Variants in TASP1 observed in about 807,000 individuals in gnomAD.
TASP1 encodes the protein threonine aspartase 1.
In TASP1, 16 loss-of-function variants were observed where a neutral mutation model predicts 56.6. The observed-to-expected ratio is 0.28, with a 90% CI of 0.19 to 0.43. The LOEUF is 0.43. Among genes scored for constraint, TASP1 ranks in the 20% least tolerant of loss-of-function variants. TASP1 has a pLI of 1.00. For synonymous variants in TASP1, 179 were observed against 184.2 expected (o/e 0.97, Z 0.23); for missense variants, 393 against 511.6 (o/e 0.77, Z 2.24).
intron 10 of TASP1, among the ~76,000 whole-genome samples, chr20:13,494,674 T>C (rs2043656188): frequency 6.6e-6 from 1 of 151,962 alleles, no homozygotes; most frequent in Admixed American, 6.6e-5. Flanking sequence ...TCCATAACAG[T>C]CACTGCAGAA....
chr20:13,544,774 T>A (rs1308192034), intron 8 of TASP1, among the ~76,000 whole-genome samples: 3 of 152,204 alleles, frequency 2.0e-5, no homozygotes, highest in Admixed American at 1.3e-4. Context: ...CACATATTTA[T>A]CTTCTCTGGA....
chr20:13,301,351 G>A, the TASP1 span, among the ~76,000 whole-genome samples: 1 of 152,080 alleles, frequency 6.6e-6, no homozygotes, highest in Non-Finnish European at 1.5e-5. Context: ...ACCACGCCTG[G>A]CTAACTCTTG....
chr20:13,133,082 T>C, the TASP1 span: 3 of 152,356 alleles, frequency 2.0e-5, no homozygotes, highest in African/African-American at 7.2e-5. Flanking sequence ...AAGACTGTCT[T>C]CGTTGTAGAG....
the TASP1 span, among the ~76,000 whole-genome samples, chr20:13,198,475 C>A: frequency 3.9e-5 from 6 of 152,106 alleles, no homozygotes; most frequent in Admixed American, 3.9e-4. Context: ...AAAGTCCCCA[C>A]CTCCTAATAC....
chr20:13,334,841 A>G, the TASP1 span, among the ~76,000 whole-genome samples: 1 of 152,236 alleles, frequency 6.6e-6, no homozygotes, highest in South Asian at 2.1e-4. Flanking sequence ...AAATTCATAG[A>G]CAAGGTCAAA....
At chr20:13,246,095 C>T in the TASP1 span, among the ~76,000 whole-genome samples, 2 of 151,920 alleles carry the variant, frequency 1.3e-5, no homozygotes, top group African/African-American at 2.4e-5. Context: ...GGTGAAACCC[C>T]GTCTCTACTG....
At chr20:13,321,367 C>T in the TASP1 span, among the ~76,000 whole-genome samples, 1 of 150,604 alleles carries the variant, frequency 6.6e-6, no homozygotes, top group South Asian at 2.1e-4. Context: ...TGACAATTGT[C>T]AAAATTCTTA....
At chr20:13,567,850 G>C (rs1216497173) in intron 7 of TASP1, among the ~76,000 whole-genome samples, 1 of 152,144 alleles carries the variant, frequency 6.6e-6, no homozygotes, top group Non-Finnish European at 1.5e-5. Context: ...ATCACAAGGT[G>C]AAGCAAGGCA....
the TASP1 span, chr20:13,280,033 G>A: frequency 1.2e-6 from 1 of 816,422 alleles, no homozygotes. Flanking sequence ...CACAAAGGCT[G>A]TCTTCCGCAG....
chr20:13,465,670 A>G (rs2044228027), intron 11 of TASP1, among the ~76,000 whole-genome samples: 1 of 152,182 alleles, frequency 6.6e-6, no homozygotes, highest in South Asian at 2.1e-4. Flanking sequence ...GAAATGAACT[A>G]CTGATACACA....
At chr20:13,515,387 T>C (rs1278823446) in intron 10 of TASP1, among the ~76,000 whole-genome samples, 2 of 151,892 alleles carry the variant, frequency 1.3e-5, no homozygotes, top group Non-Finnish European at 2.9e-5. Context: ...AGCACCACTT[T>C]GTCCATCAAA....
At chr20:13,594,454 A>G (rs969013100) in intron 4 of TASP1, among the ~76,000 whole-genome samples, 4 of 152,196 alleles carry the variant, frequency 2.6e-5, no homozygotes, top group Admixed American at 1.3e-4. Flanking sequence ...GTTCTAACAC[A>G]TCGCAAAAAG....
chr20:13,229,902 A>G, the TASP1 span, among the ~76,000 whole-genome samples: 1 of 151,890 alleles, frequency 6.6e-6, no homozygotes, highest in African/African-American at 2.4e-5. Flanking sequence ...TATTTCTTCT[A>G]CCTCCTCCAT....
At chr20:13,137,695 T>A in the TASP1 span, among the ~76,000 whole-genome samples, 1 of 152,142 alleles carries the variant, frequency 6.6e-6, no homozygotes, top group Admixed American at 6.5e-5. Flanking sequence ...AAAACATAGA[T>A]AAGTAAACAG....
intron 10 of TASP1, among the ~76,000 whole-genome samples, chr20:13,488,038 T>C (rs917712690): frequency 5.3e-5 from 8 of 151,824 alleles, no homozygotes; most frequent in African/African-American, 1.9e-4. Context: ...CCTAGAATGA[T>C]AAAGAGAAAG....
the TASP1 span, among the ~76,000 whole-genome samples, chr20:13,186,359 G>A: frequency 1.3e-5 from 2 of 152,144 alleles, no homozygotes; most frequent in Non-Finnish European, 2.9e-5. Context: ...TTTCTCTTAC[G>A]TTAGTCTCCA....
At chr20:13,355,510 T>G in the TASP1 span, among the ~76,000 whole-genome samples, 7 of 152,342 alleles carry the variant, frequency 4.6e-5, no homozygotes, top group African/African-American at 1.7e-4. Context: ...ATACTAAATC[T>G]TTGTTCCATG....
At chr20:13,198,794 CTTTCTTTCTTT>C in the TASP1 span, among the ~76,000 whole-genome samples, 2 of 5,182 alleles carry the variant, frequency 3.9e-4, no homozygotes, top group Admixed American at 4.2e-3. Flanking sequence ...CTTTCTTTGT[CTTTCTTTCTTT>C]CTTTCTTTCT....
At chr20:13,434,688 G>T (rs2146188491) in intron 12 of TASP1, among the ~76,000 whole-genome samples, 1 of 152,224 alleles carries the variant, frequency 6.6e-6, no homozygotes, top group Non-Finnish European at 1.5e-5. Flanking sequence ...TGGGGAAGGG[G>T]AACAGGAAGA....
Sources: gnomAD v4.1 joint callset for allele counts (sites outside exome capture counted in the v4.1 genomes callset) on GRCh38, gnomAD v4.1.1 for gene constraint, MANE v1.5 for transcripts, NCBI Gene and HGNC (gene_info 2026-07-23, HGNC 2026-07-21) for gene names.